The following PLPPR3 variants were observed in gnomAD, a reference collection of about 807,000 sequenced individuals.
PLPPR3 encodes the protein phospholipid phosphatase-related protein type 3.
A neutral mutation model predicts 27.3 loss-of-function variants in PLPPR3; 14 were observed. The ratio of observed to expected loss-of-function variants is 0.51; its 90% confidence interval spans 0.34 to 0.80. PLPPR3 has a LOEUF of 0.80. Among genes scored for constraint, PLPPR3 ranks in the 30% least tolerant of loss-of-function variants. The pLI, the probability that PLPPR3 is intolerant of heterozygous loss-of-function variation, is 0.01. For synonymous variants in PLPPR3, 671 were observed against 508.0 expected (o/e 1.32, Z -4.32); for missense variants, 1,287 against 1,056.9 (o/e 1.22, Z -3.02).
chr19:814,367 C>T, intron 7 of PLPPR3, 67 bp downstream of exon 7: 1 of 1,461,098 alleles, frequency 6.8e-7, no homozygotes, highest in Non-Finnish European at 9.2e-7. Context: ...GCCCTGTGGG[C>T]ACTCATGCCT....
chr19:812,719 G>T lies in PLPPR3; in HGVS notation c.2008C>A (p.Leu670Met). 1 of 1,059,052 alleles carries T rather than the reference G, an allele frequency of 9.4e-7. No individual in the cohort carries two copies. Among genetic ancestry groups the T allele is most frequent in the Non-Finnish European group, 1.1e-6 (1 of 876,762 alleles). The allele number at this position is 1,059,052 out of a possible 1,614,324, so 65.6% of individuals were successfully genotyped here. A position where few individuals can be genotyped will look rare whatever the true frequency, so the allele number is the denominator to read the frequency against. Residue 670 changes from leucine to methionine, a missense_variant, in exon 8 of 8, where the codon CTG becomes ATG. Coordinates refer to ENST00000520876, the MANE Select transcript of PLPPR3 (RefSeq NM_001270366.2). The stretch of plus-strand genomic sequence containing the variant: ...CCCAGCGCCCCATCGGCCGCGCCCA[G>T]CGGGGGCAGCCCCTCGCCCGTGGCC... ...NLATGEGLPP[L>M]GAADGALGPG...
chr19:812,553 C>G lies in PLPPR3; in HGVS notation c.*17G>C. 3.0e-6 allele frequency: 3 copies of G among 997,060 alleles called. No homozygotes were observed. The highest frequency in any genetic ancestry group is 3.6e-6 in the Non-Finnish European group (3 of 836,536). The allele number at this position is 997,060 out of a possible 1,614,324, so 61.8% of individuals were successfully genotyped here. ...GCGCCCTCGGCCCGCCCCCCGCCCG[C>G]CCCCGGCCCCGCCGCGCTAGTCGGG... On this transcript the variant is annotated 3_prime_UTR_variant, in exon 8 of 8. Coordinates refer to ENST00000520876, the MANE Select transcript of PLPPR3 (RefSeq NM_001270366.2).
At chr19:819,279 CTTT>C (rs1252377454) in intron 2 of PLPPR3, among the ~76,000 whole-genome samples, 3 of 60,986 alleles carry the variant, frequency 4.9e-5, no homozygotes, top group African/African-American at 3.5e-4. Flanking sequence ...ACCCAGCCTA[CTTT>C]TTTTTTTTTT....
chr19:818,953 T>C (rs368134461), intron 2 of PLPPR3, among the ~76,000 whole-genome samples: 29,081 of 89,106 alleles, frequency 0.33, 5,618 homozygotes, highest in African/African-American at 0.46. Context: ...GCCACTGCGC[T>C]CGGCCTTATT....
chr19:821,610 A>T, intron 1 of PLPPR3, 25 bp from the exon 2 acceptor site: 3 of 1,207,662 alleles, frequency 2.5e-6, no homozygotes, highest in African/African-American at 1.7e-5. Context: ...GCGGCGCTGG[A>T]GGGGGGCGCG....
chr19:812,615 G>GGCCTCGGCCTCC lies in PLPPR3; in HGVS notation c.2111_2112insGGAGGCCGAGGC (p.Ala702_Glu705dup). 9.0e-7 allele frequency: 1 copy of GGCCTCGGCCTCC among 1,107,178 alleles called. No individual in the cohort carries two copies. Among genetic ancestry groups the GGCCTCGGCCTCC allele is most frequent in the South Asian group, 2.0e-5 (1 of 49,006 alleles). 68.6% of individuals were successfully genotyped at this position (1,107,178 alleles called of 1,614,324 possible). ...CCTGCATCTTGCGGAAGTAGCCCTCGGCCTCCGCCTCCGCCTCGCGCTCCG... is the reference window on the plus strand; with the variant it reads ...CCTGCATCTTGCGGAAGTAGCCCTCGGCCTCGGCCTCCGCCTCCGCCTCCGCCTCGCGCTCCG... On this transcript the variant is annotated inframe_insertion, in exon 8 of 8. Coordinates refer to ENST00000520876, the MANE Select transcript of PLPPR3 (RefSeq NM_001270366.2).
Position 812,896 on chromosome 19 carries a change from C to T in PLPPR3, c.1831G>A (p.Ala611Thr), listed in dbSNP as rs747636451. The T allele has an allele frequency of 7.9e-6, 10 of 1,271,768 alleles. No individual in the cohort carries two copies. The highest frequency in any genetic ancestry group is 1.0e-6 in the Non-Finnish European group (1 of 1,003,528). 78.8% of individuals were successfully genotyped at this position (1,271,768 alleles called of 1,614,324 possible). Residue 611 changes from alanine to threonine, a missense_variant, in exon 8 of 8, where the codon GCC becomes ACC. Coordinates refer to ENST00000520876, the MANE Select transcript of PLPPR3 (RefSeq NM_001270366.2). ...TAGCCGCCGTCGGCCTCCGCCTTGG[C>T]CCCGCCGCCCGCCGCCTTCCACTCC... is the stretch of plus-strand genomic sequence containing the variant. ...PWEWKAAGGG[A>T]KAEADGGYEL...
intron 2 of PLPPR3, among the ~76,000 whole-genome samples, chr19:818,603 G>A (rs1278344336): frequency 1.3e-5 from 2 of 151,520 alleles, no homozygotes; most frequent in African/African-American, 2.4e-5. Flanking sequence ...GCGCGATCTC[G>A]GCTCACTGCA....
Position 815,707 on chromosome 19 carries a change from G to A in PLPPR3, c.220C>T (p.Leu74=). 6.2e-7 allele frequency: 1 copy of A among 1,607,694 alleles called. No individual in the cohort carries two copies. Among genetic ancestry groups the A allele is most frequent in the Non-Finnish European group, 8.5e-7 (1 of 1,177,630 alleles). The change falls in exon 3 of 8, where the codon CTG becomes TTG. Residue 74 remains leucine (L), a synonymous_variant. Coordinates refer to ENST00000520876, the MANE Select transcript of PLPPR3 (RefSeq NM_001270366.2). ...VETNEELIPL[L]MLLSLAFAAP... ...GCGAAGGCCAAGCTGAGCAGCATCA[G>A]CAGCGGGATGAGCTCCTCGTTGGTC...
At chr19:814,303 G>A (rs1170009870) in intron 7 of PLPPR3, 131 bp downstream of exon 7, 1 of 857,710 alleles carries the variant, frequency 1.2e-6, no homozygotes, top group Admixed American at 3.0e-5. Flanking sequence ...TCCCCTGTCA[G>A]ACCCCCTGAG....
In PLPPR3 at chr19:813,637, G is replaced by A. The variant is rs1864164832; in HGVS notation, c.1090C>T (p.Pro364Ser). Reference sequence around the variant, plus strand: ...GTCACCATGTTCTCCTTGGCCATGGGGCTGCGCGGGGCCAGCAGGTCCACG... The same window carrying A: ...GTCACCATGTTCTCCTTGGCCATGGAGCTGCGCGGGGCCAGCAGGTCCACG... Reference protein sequence around the residue: ...VDVDLLAPRSPMAKENMVTFS... With the variant: ...VDVDLLAPRSSMAKENMVTFS... Residue 364 changes from proline to serine, a missense_variant, in exon 8 of 8, where the codon CCC becomes TCC. Coordinates refer to ENST00000520876, the MANE Select transcript of PLPPR3 (RefSeq NM_001270366.2). This position sits in a 1 kb window ranked among gnomAD's most constrained non-coding sequence, Gnocchi z 4.1. The A allele has an allele frequency of 6.5e-7, 1 of 1,539,608 alleles. No homozygotes were observed. Among genetic ancestry groups the A allele is most frequent in the Non-Finnish European group, 8.7e-7 (1 of 1,145,156 alleles).
chr19:813,563 G>A lies in PLPPR3; in HGVS notation c.1164C>T (p.Pro388=). The change falls in exon 8 of 8, where the codon CCC becomes CCT. Residue 388 remains proline, a synonymous_variant. Transcript: ENST00000520876. The surrounding 1 kb of genome is among the most constrained non-coding windows in gnomAD (Gnocchi z 4.1). The part of the protein sequence containing the change: ...PRASAPSLDD[P]ARRHMTIHVP... ...CGTGGATGGTCATGTGGCGGCGCGC[G>A]GGGTCGTCCAGCGAGGGCGCGCTGG... The A allele has an allele frequency of 6.4e-7, 1 of 1,559,330 alleles. No individual in the cohort carries two copies.
chr19:819,406 G>A (rs945333485), intron 2 of PLPPR3, among the ~76,000 whole-genome samples: 17 of 150,190 alleles, frequency 1.1e-4, no homozygotes, highest in Non-Finnish European at 1.8e-4. Flanking sequence ...TCAGCCTCCC[G>A]AGTAGATGGG....
chr19:813,185 C>G lies in PLPPR3; in HGVS notation c.1542G>C (p.Gly514=), dbSNP rs1190082626. The change falls in exon 8 of 8, where the codon GGG becomes GGC. Residue 514 remains glycine (G), a synonymous_variant. Coordinates refer to ENST00000520876, the MANE Select transcript of PLPPR3 (RefSeq NM_001270366.2). This position sits in a 1 kb window ranked among gnomAD's most constrained non-coding sequence, Gnocchi z 4.1. The part of the protein sequence containing the change: ...GAGLSPKSGA[G]VRAKWLMMAE... ...CCATCATGAGCCACTTGGCGCGCAC[C>G]CCGGCGCCGCTTTTGGGGGACAGGC... is the stretch of plus-strand genomic sequence containing the variant. 3.3e-6 allele frequency: 5 copies of G among 1,512,010 alleles called. No individual in the cohort carries two copies. The African/African-American group carries it at 4.4e-5, about 13-fold the overall frequency. The allele number at this position is 1,512,010 out of a possible 1,614,324, so 93.7% of individuals were successfully genotyped here. A position where few individuals can be genotyped will look rare whatever the true frequency, so the allele number is the denominator to read the frequency against.
intron 7 of PLPPR3, among the ~76,000 whole-genome samples, chr19:814,100 G>A (rs913629594): frequency 1.4e-4 from 21 of 151,976 alleles, no homozygotes; most frequent in African/African-American, 4.4e-4. Context: ...GCATTCCAAG[G>A]GCGAGACACT....
In PLPPR3 at chr19:812,831, G is replaced by C. The variant is rs1055642299; in HGVS notation, c.1896C>G (p.Ala632=). Residue 632 remains alanine, a synonymous_variant, in exon 8 of 8, where the codon GCC becomes GCG. Coordinates refer to ENST00000520876, the MANE Select transcript of PLPPR3 (RefSeq NM_001270366.2). ...GDLARGFRGG[A]KPPGVSPGSS... is the part of the protein sequence containing the mutation. ...AGCCGGGGGACACGCCCGGGGGCTT[G>C]GCCCCGCCGCGGAAGCCGCGCGCCA... 9.0e-7 allele frequency: 1 copy of C among 1,113,272 alleles called. No homozygotes were observed. Among genetic ancestry groups the C allele is most frequent in the Non-Finnish European group, 1.1e-6 (1 of 910,124 alleles). The allele number at this position is 1,113,272 out of a possible 1,614,324, so 69.0% of individuals were successfully genotyped here.
Position 813,762 on chromosome 19 carries a change from CTCACCG to C in PLPPR3, c.959_964del (p.Ser320_Ser322delinsCys). On this transcript the variant is annotated inframe_deletion, in exon 8 of 8. Coordinates refer to ENST00000520876, the MANE Select transcript of PLPPR3 (RefSeq NM_001270366.2). The surrounding 1 kb of genome is among the most constrained non-coding windows in gnomAD (Gnocchi z 4.1). ...CCCTGGGGGCCCCAGCTCGTCGGTG[CTCACCG>C]ACTTATTCTGCTGATAAACCGAGTC... 1 of 1,527,950 alleles carries C rather than the reference CTCACCG, an allele frequency of 6.5e-7. No homozygotes were observed. The highest frequency in any genetic ancestry group is 8.7e-7 in the Non-Finnish European group (1 of 1,143,270). 94.6% of individuals were successfully genotyped at this position (1,527,950 alleles called of 1,614,324 possible). A position where few individuals can be genotyped will look rare whatever the true frequency, so the allele number is the denominator to read the frequency against.
In PLPPR3 at chr19:821,519, C is replaced by G; in HGVS notation, c.41G>C (p.Ser14Thr). ...TKEKNKIPKD[S>T]MTLLPCFYFV... ...GTAGAAGCAGGGCAGAAGCGTCATG[C>G]TGTCCTTCGGGATCTTGTTCTTCTC... Residue 14 changes from serine (S) to threonine (T), a missense_variant, in exon 2 of 8, where the codon AGC becomes ACC. Ser to Thr is a moderately conservative substitution (Grantham distance 58, BLOSUM62 1). Coordinates refer to ENST00000520876, the MANE Select transcript of PLPPR3 (RefSeq NM_001270366.2). The G allele has an allele frequency of 6.6e-7, 1 of 1,510,348 alleles. No individual in the cohort carries two copies. The highest frequency in any genetic ancestry group is 8.9e-7 in the Non-Finnish European group (1 of 1,127,748). 93.6% of individuals were successfully genotyped at this position (1,510,348 alleles called of 1,614,324 possible).
upstream of PLPPR3, among the ~76,000 whole-genome samples, chr19:823,110 ACT>A (rs1457728428): frequency 1.4e-5 from 2 of 141,670 alleles, no homozygotes; most frequent in Non-Finnish European, 3.0e-5. Context: ...CAAGAGCGAG[ACT>A]CTGTCTCAAA....
Sources: gnomAD v4.1 joint callset for allele counts (sites outside exome capture counted in the v4.1 genomes callset) on GRCh38, gnomAD v4.1.1 for gene constraint, Gnocchi (gnomAD v3.1) non-coding constraint, MANE v1.5 for transcripts, NCBI Gene and HGNC (gene_info 2026-07-23, HGNC 2026-07-21) for gene names.